Variants in KANK1 observed in about 807,000 individuals in gnomAD.
The protein encoded by KANK1 is KN motif and ankyrin repeat domains 1, also known as KN motif and ankyrin repeat domain-containing protein 1.
In KANK1, 109 loss-of-function variants were observed where a neutral mutation model predicts 106.2. The ratio of observed to expected loss-of-function variants is 1.03; its 90% CI spans 0.88 to 1.20. The LOEUF is 1.20. Among genes scored for constraint, KANK1 ranks in the 50% most tolerant of loss-of-function variants. The pLI is 0.00. For missense variants in KANK1, 2,399 were observed against 1,710.7 expected (o/e 1.40, Z -7.10); for synonymous variants, 873 against 652.2 (o/e 1.34, Z -5.16).
chr9:516,325 A>G (rs1041783688), intron 1 of KANK1, among the ~76,000 whole-genome samples: 11 of 151,778 alleles, frequency 7.2e-5, no homozygotes, highest in African/African-American at 2.2e-4. Context: ...CTGAATTCCT[A>G]TCAAGAAAAG....
intron 3 of KANK1, among the ~76,000 whole-genome samples, chr9:723,713 G>T (rs1161279786): frequency 6.6e-6 from 1 of 152,038 alleles, no homozygotes; most frequent in African/African-American, 2.4e-5. Context: ...GAGAACCTAT[G>T]GATTAAAAGA....
At chr9:479,207 C>T (rs1159852150) in intron 3 of KANK1, among the ~76,000 whole-genome samples, 1 of 152,200 alleles carries the variant, frequency 6.6e-6, no homozygotes, top group Non-Finnish European at 1.5e-5. Context: ...GCTGTGTGTT[C>T]TTCCTGGTTA....
At chr9:682,266 T>A (rs1312512176) in intron 2 of KANK1, among the ~76,000 whole-genome samples, 1 of 149,484 alleles carries the variant, frequency 6.7e-6, no homozygotes, top group Admixed American at 6.7e-5. Flanking sequence ...CATGACAAAG[T>A]GAGACTCCGT....
chr9:491,530 G>A (rs993200769), intron 3 of KANK1, among the ~76,000 whole-genome samples: 2 of 152,106 alleles, frequency 1.3e-5, no homozygotes, highest in Middle Eastern at 3.2e-3. Flanking sequence ...GCCCCCCAAA[G>A]TGCTGGGATT....
At chr9:647,180 G>T (rs1209203874) in intron 1 of KANK1, among the ~76,000 whole-genome samples, 1 of 150,882 alleles carries the variant, frequency 6.6e-6, no homozygotes, top group Non-Finnish European at 1.5e-5. Flanking sequence ...TAAGCCTTCT[G>T]TATAAGATAA....
At chr9:709,381 CT>C (rs1294056486) in intron 2 of KANK1, among the ~76,000 whole-genome samples, 7 of 152,146 alleles carry the variant, frequency 4.6e-5, no homozygotes, top group Non-Finnish European at 8.8e-5. Flanking sequence ...GCTGAGTGCC[CT>C]TGACCTCCAT....
chr9:572,608 C>G (rs145808517), intron 1 of KANK1, among the ~76,000 whole-genome samples: 3 of 151,954 alleles, frequency 2.0e-5, no homozygotes, highest in African/African-American at 7.2e-5. Context: ...CCAGGCTGGT[C>G]TTGAATTCCT....
intron 2 of KANK1, 107 bp from the exon 3 acceptor site, chr9:710,697 A>G: frequency 9.9e-7 from 1 of 1,012,010 alleles, no homozygotes; most frequent in Non-Finnish European, 1.4e-6. Flanking sequence ...TAGGTGTGTC[A>G]ACTCTTAAAA....
intron 1 of KANK1, among the ~76,000 whole-genome samples, chr9:597,526 G>A (rs1826516609): frequency 6.6e-6 from 1 of 151,530 alleles, no homozygotes; most frequent in Non-Finnish European, 1.5e-5. Flanking sequence ...CATGTCTGTT[G>A]AAGTCCTTTG....
At chr9:562,643 G>A (rs960763045) in intron 1 of KANK1, among the ~76,000 whole-genome samples, 1 of 152,190 alleles carries the variant, frequency 6.6e-6, no homozygotes, top group Non-Finnish European at 1.5e-5. Flanking sequence ...AAGTCAGAGA[G>A]TTACAGTGAG....
intron 2 of KANK1, among the ~76,000 whole-genome samples, chr9:678,596 C>T (rs1234372282): frequency 1.3e-5 from 2 of 152,000 alleles, no homozygotes; most frequent in Non-Finnish European, 2.9e-5. Flanking sequence ...GGCATGGTGG[C>T]GCATGCCTGT....
chr9:661,052 C>T (rs1843184605), intron 1 of KANK1, among the ~76,000 whole-genome samples: 1 of 149,294 alleles, frequency 6.7e-6, no homozygotes, highest in Admixed American at 6.8e-5. Flanking sequence ...TGTCCAATTT[C>T]ATGGAAAGTA....
In KANK1 at chr9:713,355, C is replaced by T; in HGVS notation, c.2589C>T (p.Asn863=). 6.2e-7 allele frequency: 1 copy of T among 1,614,220 alleles called. No homozygotes were observed. Among genetic ancestry groups the T allele is most frequent in the Non-Finnish European group, 8.5e-7 (1 of 1,180,040 alleles). Residue 863 remains asparagine (N), a synonymous_variant, in exon 3 of 12, where the codon AAC becomes AAT. Transcript: ENST00000382297. ...GEPHSQMGSL[N]SQLISTLSSI... is the part of the protein sequence containing the mutation. The stretch of plus-strand genomic sequence containing the variant: ...CTCACTCACAGATGGGCTCCCTCAA[C>T]TCTCAGCTCATCAGCACCCTGTCGT...
intron 3 of KANK1, among the ~76,000 whole-genome samples, chr9:724,335 A>G (rs1830127197): frequency 6.6e-6 from 1 of 152,170 alleles, no homozygotes; most frequent in South Asian, 2.1e-4. Flanking sequence ...ATGTTTTCTA[A>G]TCATTGTTGA....
intron 3 of KANK1, among the ~76,000 whole-genome samples, chr9:493,720 G>A (rs1246542353): frequency 6.6e-6 from 1 of 151,164 alleles, no homozygotes; most frequent in Non-Finnish European, 1.5e-5. Context: ...GCTAATTTTT[G>A]TATTTTAGTA....
rs189593161 is a variant in KANK1, at chr9:696,232, C to A, written c.38-14572C>A. 1.0e-3 allele frequency among the ~76,000 whole-genome samples: 157 copies of A among 150,858 alleles called. 2 individuals are homozygous for A. The East Asian group carries it at 0.019, about 18-fold the overall frequency. ...CCGGGAGGCGGAGTTTGCAGGGAGC[C>A]GAGATCACGCCACTGCACTCCAGCC... On this transcript the variant is annotated intron_variant, in intron 2 of 11. Transcript: ENST00000382297.
chr9:538,487 G>A (rs1305832461), intron 1 of KANK1, among the ~76,000 whole-genome samples: 2 of 152,240 alleles, frequency 1.3e-5, no homozygotes, highest in Non-Finnish European at 1.5e-5. Context: ...AGGATCCTAA[G>A]AGGCACATTC....
chr9:683,119 G>A (rs1372629026), intron 2 of KANK1, among the ~76,000 whole-genome samples: 2 of 152,146 alleles, frequency 1.3e-5, no homozygotes, highest in Non-Finnish European at 1.5e-5. Flanking sequence ...TGCGCCCGTG[G>A]TGGTGAGTCT....
At chr9:557,027 C>T (rs1182723194) in intron 1 of KANK1, among the ~76,000 whole-genome samples, 1 of 151,884 alleles carries the variant, frequency 6.6e-6, no homozygotes, top group South Asian at 2.1e-4. Flanking sequence ...ACTCTAAAAA[C>T]AAATTTCTGG....
Sources: allele counts gnomAD v4.1 joint callset (sites outside exome capture counted in the v4.1 genomes callset), GRCh38; gene constraint gnomAD v4.1.1; transcripts MANE v1.5; gene names NCBI Gene and HGNC (gene_info 2026-07-23, HGNC 2026-07-21).